CFAP61: variants seen among roughly 807,000 people sequenced by gnomAD.
CFAP61 encodes the protein cilia- and flagella-associated protein 61.
In CFAP61, 107 loss-of-function variants were observed where a neutral mutation model predicts 135.6. The ratio of observed to expected loss-of-function variants is 0.79; its 90% CI spans 0.67 to 0.93. CFAP61 has a LOEUF of 0.93. CFAP61 is among the 40% of genes least tolerant of loss of function. The pLI, the probability that CFAP61 is intolerant of heterozygous loss-of-function variation, is 0.00. For synonymous variants in CFAP61, 575 were observed against 578.5 expected (o/e 0.99, Z 0.09); for missense variants, 1,507 against 1,556.2 (o/e 0.97, Z 0.53).
At position 20,169,351 on chromosome 20, in the gene CFAP61, C is replaced by T; in HGVS notation, c.1276C>T (p.His426Tyr). 1 of 1,613,730 alleles carries T rather than the reference C, an allele frequency of 6.2e-7. No homozygotes were observed. The highest frequency in any genetic ancestry group is 2.2e-5 in the East Asian group (1 of 44,858). The change falls in exon 13 of 27, where the codon CAT (histidine) becomes TAT (tyrosine). Residue 426 changes from histidine to tyrosine, a missense_variant. Transcript: ENST00000245957. Reference sequence around the variant, plus strand: ...GAACTTCTGTGTAATTTCTCTGCCCCATCTCACCCCCGAGTTCTTCCTCAT... The same window carrying T: ...GAACTTCTGTGTAATTTCTCTGCCCTATCTCACCCCCGAGTTCTTCCTCAT... ...DKNFCVISLP[H>Y]LTPEFFLIQN...
chr20:20,124,240 TG>T (rs2049904412), intron 8 of CFAP61, among the ~76,000 whole-genome samples: 1 of 151,694 alleles, frequency 6.6e-6, no homozygotes, highest in African/African-American at 2.4e-5. Context: ...TTCTTTCTCT[TG>T]TCTGATTGCT....
At chr20:20,289,190 A>G (rs1051933767) in intron 23 of CFAP61, among the ~76,000 whole-genome samples, 2 of 152,206 alleles carry the variant, frequency 1.3e-5, no homozygotes, top group Non-Finnish European at 2.9e-5. Context: ...CACTTTACAG[A>G]TAAGAAAACA....
In CFAP61 at chr20:20,136,324, A is replaced by G. The variant is rs191681910; in HGVS notation, c.860-6533A>G. Among the ~76,000 whole-genome samples the G allele has an allele frequency of 2.8e-3, 427 of 152,188 alleles. 1 individual carries two copies. Among genetic ancestry groups the G allele is most frequent in the African/African-American group, 9.8e-3 (406 of 41,516 alleles). Reference sequence around the variant, plus strand: ...TTACTATCCCCTTGAATAAACTTGTATCCCTATCTCTTTCTCCACCTCTTC... The same window carrying G: ...TTACTATCCCCTTGAATAAACTTGTGTCCCTATCTCTTTCTCCACCTCTTC... On this transcript the variant is annotated intron_variant, in intron 8 of 26. Coordinates refer to ENST00000245957, the MANE Select transcript of CFAP61 (RefSeq NM_015585.4).
chr20:20,352,119 G>A (rs527801298), intron 26 of CFAP61, among the ~76,000 whole-genome samples: 133 of 152,256 alleles, frequency 8.7e-4, no homozygotes, highest in African/African-American at 3.1e-3. Context: ...CCATATGGCC[G>A]GGGAAGCCTC....
chr20:20,096,564 A>C (rs974324789), intron 7 of CFAP61, among the ~76,000 whole-genome samples: 27 of 152,248 alleles, frequency 1.8e-4, no homozygotes, highest in African/African-American at 5.8e-4. Context: ...AGCCAGCAAA[A>C]GGTATTTCAG....
intron 18 of CFAP61, among the ~76,000 whole-genome samples, chr20:20,230,541 G>C (rs1266477579): frequency 2.0e-5 from 3 of 152,094 alleles, no homozygotes; most frequent in African/African-American, 7.2e-5. Flanking sequence ...CCTCCTTGTA[G>C]TCTTTTTTGG....
chr20:20,238,606 G>A (rs2049773583), intron 18 of CFAP61, among the ~76,000 whole-genome samples: 1 of 152,210 alleles, frequency 6.6e-6, no homozygotes, highest in Admixed American at 6.5e-5. Flanking sequence ...AAAATAACTA[G>A]CGATCGCCTA....
intron 11 of CFAP61, among the ~76,000 whole-genome samples, chr20:20,164,619 T>A (rs1017747562): frequency 1.3e-5 from 2 of 152,090 alleles, no homozygotes; most frequent in Non-Finnish European, 2.9e-5. Flanking sequence ...AAAAATTGAA[T>A]AATTGCCTCA....
At chr20:20,181,900 A>G (rs531535776) in intron 13 of CFAP61, among the ~76,000 whole-genome samples, 2 of 152,334 alleles carry the variant, frequency 1.3e-5, no homozygotes, top group East Asian at 1.9e-4. Flanking sequence ...GCTATAGGCC[A>G]TGGGACTGAA....
intron 9 of CFAP61, among the ~76,000 whole-genome samples, chr20:20,146,873 A>G (rs974247828): frequency 2.0e-5 from 3 of 152,158 alleles, no homozygotes; most frequent in Admixed American, 6.5e-5. Context: ...TGCAGTGTAC[A>G]CTGTACCCAA....
intron 25 of CFAP61, chr20:20,323,377 G>A (rs1288894720): frequency 1.1e-6 from 1 of 892,630 alleles, no homozygotes; most frequent in Non-Finnish European, 1.3e-6. Context: ...AGCAAGTATG[G>A]AATTCAAATG....
chr20:20,279,408 A>T lies in CFAP61; in HGVS notation c.2796+1950A>T, dbSNP rs117776289. Among the ~76,000 whole-genome samples, 81 of 152,276 alleles carry T rather than the reference A, an allele frequency of 5.3e-4. 1 individual carries two copies. The highest frequency in any genetic ancestry group is 5.0e-3 in the East Asian group (26 of 5,186). On this transcript the variant is annotated intron_variant, in intron 22 of 26. Coordinates refer to ENST00000245957, the MANE Select transcript of CFAP61 (RefSeq NM_015585.4). ...ATTTTGTATTTTATATGTATTGTAT[A>T]CTCTATCCTCACCATAAAGTAAACT...
At chr20:20,149,857 T>C (rs1226143189) in intron 9 of CFAP61, among the ~76,000 whole-genome samples, 1 of 152,154 alleles carries the variant, frequency 6.6e-6, no homozygotes, top group African/African-American at 2.4e-5. Context: ...AGCAGAATCC[T>C]GGGGATGAAT....
intron 1 of CFAP61, among the ~76,000 whole-genome samples, chr20:20,054,837 T>C (rs896897240): frequency 1.3e-5 from 2 of 152,258 alleles, no homozygotes; most frequent in Non-Finnish European, 2.9e-5. Context: ...GTAGTTTTAC[T>C]ATATATTTGG....
chr20:20,183,050 C>G (rs1255198975), intron 13 of CFAP61, among the ~76,000 whole-genome samples: 1 of 152,166 alleles, frequency 6.6e-6, no homozygotes, highest in African/African-American at 2.4e-5. Context: ...TTCTCAGCAC[C>G]CAGTGTGGAA....
intron 8 of CFAP61, among the ~76,000 whole-genome samples, chr20:20,113,329 T>G (rs1259505425): frequency 6.6e-6 from 1 of 152,238 alleles, no homozygotes; most frequent in Non-Finnish European, 1.5e-5. Flanking sequence ...ATTTAGATAC[T>G]GTGCTCTTTG....
intron 10 of CFAP61, among the ~76,000 whole-genome samples, chr20:20,162,573 C>T (rs1421591809): frequency 2.0e-5 from 3 of 151,894 alleles, no homozygotes; most frequent in Admixed American, 6.6e-5. Context: ...TGTGCTCTAA[C>T]GATATGAGGG....
chr20:20,294,086 C>T (rs190796376), intron 24 of CFAP61, among the ~76,000 whole-genome samples: 1 of 152,226 alleles, frequency 6.6e-6, no homozygotes, highest in Non-Finnish European at 1.5e-5. Flanking sequence ...AATTTTTAAA[C>T]AATTTGCTCG....
intron 13 of CFAP61, among the ~76,000 whole-genome samples, chr20:20,175,493 TGTTTTGTTTTGTTTTG>T (rs1569067578): frequency 0.013 from 33 of 2,598 alleles, no homozygotes; most frequent in Admixed American, 0.065. Context: ...TTTTTGTTTT[TGTTTTGTTTTGTTTTG>T]TTTTGTTTTG....
Sources: allele counts gnomAD v4.1 joint callset (sites outside exome capture counted in the v4.1 genomes callset), GRCh38; gene constraint gnomAD v4.1.1; transcripts MANE v1.5; gene names NCBI Gene and HGNC (gene_info 2026-07-23, HGNC 2026-07-21).